Variants in ATG101 observed in about 807,000 individuals in gnomAD.
ATG101 encodes the protein autophagy-related protein 101.
In ATG101, 6 loss-of-function variants were observed where a neutral mutation model predicts 16.7. That is an observed-to-expected ratio of 0.36 (90% CI 0.20 to 0.71). ATG101 has a LOEUF of 0.71. Ranked by LOEUF, ATG101 falls within the 30% of genes least tolerant of loss-of-function variation. The pLI is 0.57. For missense variants in ATG101, 200 were observed against 292.5 expected, an observed-to-expected ratio of 0.68 and a Z score of 2.31; for synonymous variants, 108 against 118.1, an observed-to-expected ratio of 0.91 and a Z score of 0.56.
At chr12:52,069,760 A>C (rs567114173), upstream of ATG101, 7 of 151,918 alleles carry the variant, frequency 4.6e-5, no homozygotes, top group East Asian at 5.8e-4. Context: ...CATGAGGGGG[A>C]TCTTCATCAC....
intron 2 of ATG101, among the ~76,000 whole-genome samples, chr12:52,071,944 T>C (rs1160136674): frequency 6.6e-6 from 1 of 152,140 alleles, no homozygotes; most frequent in Non-Finnish European, 1.5e-5. Context: ...AACTTGAAGC[T>C]CCCTCTCCCT....
upstream of ATG101, among the ~76,000 whole-genome samples, chr12:52,068,944 T>C (rs553071857): frequency 4.8e-5 from 6 of 125,148 alleles, 1 homozygote; most frequent in South Asian, 1.5e-3. Flanking sequence ...TGAGCCGAGA[T>C]AGCGCCACTG....
Position 52,073,683 on chromosome 12 carries a change from G to T in ATG101, c.33G>T (p.Ser11=). MNCRSEVLEV[S]VEGRQVEEAM... ...GTCGCTCGGAGGTGCTGGAGGTGTCGGTGGAGGGGCGGCAGGTGGAGGAGG... is the reference window on the plus strand; with the variant it reads ...GTCGCTCGGAGGTGCTGGAGGTGTCTGTGGAGGGGCGGCAGGTGGAGGAGG... The change falls in exon 3 of 4, where the codon TCG becomes TCT. Residue 11 remains serine (S), a synonymous_variant. Coordinates refer to ENST00000336854, the MANE Select transcript of ATG101 (RefSeq NM_021934.5). 6.2e-7 allele frequency: 1 copy of T among 1,614,064 alleles called. No individual in the cohort carries two copies. Among genetic ancestry groups the T allele is most frequent in the South Asian group, 1.1e-5 (1 of 91,084 alleles).
chr12:52,073,516 G>A, intron 2 of ATG101, 59 bp from the exon 3 acceptor site: 2 of 1,174,458 alleles, frequency 1.7e-6, no homozygotes, highest in Non-Finnish European at 2.4e-6. Context: ...CTAGAAGGAA[G>A]TGAACAGATA....
At chr12:52,067,057 A>T (rs1007839143), upstream of ATG101, among the ~76,000 whole-genome samples, 1 of 152,196 alleles carries the variant, frequency 6.6e-6, no homozygotes. Context: ...ACCTGGGATA[A>T]GAGGCAAGGG....
rs1047750812 is a variant in ATG101 at position 52,077,385 on chromosome 12, C to T, written c.*195C>T. 3 of 641,170 alleles carry T rather than the reference C, an allele frequency of 4.7e-6. No homozygotes were observed. The highest frequency in any genetic ancestry group is 7.9e-6 in the Non-Finnish European group (3 of 377,438). 39.7% of individuals were successfully genotyped at this position (641,170 alleles called of 1,614,324 possible). On this transcript the variant is annotated 3_prime_UTR_variant, in exon 4 of 4. Coordinates refer to ENST00000336854, the MANE Select transcript of ATG101 (RefSeq NM_021934.5). ...TTTAATCTTTGCTGACGGTTCAGTC[C>T]TGCCTCTACTGTCTCTCCATAGCCC...
At chr12:52,072,540 C>T (rs1272945824) in intron 2 of ATG101, among the ~76,000 whole-genome samples, 1 of 152,146 alleles carries the variant, frequency 6.6e-6, no homozygotes, top group Non-Finnish European at 1.5e-5. Context: ...CGTGCCCAGC[C>T]TTTGTGCCTT....
In ATG101 at chr12:52,077,160, C is replaced by T. The variant is rs140684428; in HGVS notation, c.627C>T (p.Arg209=). ...ALGTSVTTTM[R]RLIKDTLAL ...GCACCTCAGTCACCACCACCATGCGCAGGCTCATCAAAGACACCCTTGCCC... is the reference window on the plus strand; with the variant it reads ...GCACCTCAGTCACCACCACCATGCGTAGGCTCATCAAAGACACCCTTGCCC... Residue 209 remains arginine (R), a synonymous_variant, in exon 4 of 4, where the codon CGC becomes CGT. Transcript: ENST00000336854. 6.3e-5 allele frequency: 102 copies of T among 1,613,984 alleles called. No homozygotes were observed. In the East Asian group the frequency reaches 1.2e-3, roughly 19 times the overall value.
upstream of ATG101, among the ~76,000 whole-genome samples, chr12:52,067,691 G>A (rs141941074): frequency 3.1e-3 from 475 of 151,388 alleles, 1 homozygote; most frequent in African/African-American, 0.011. Context: ...CGGTTCAAGC[G>A]ATTCTCCTGA....
intron 2 of ATG101, among the ~76,000 whole-genome samples, chr12:52,071,878 G>A (rs1441738274): frequency 6.6e-6 from 1 of 152,158 alleles, no homozygotes; most frequent in Non-Finnish European, 1.5e-5. Flanking sequence ...TGTTGTGAGA[G>A]CTAGTGAATT....
upstream of ATG101, among the ~76,000 whole-genome samples, chr12:52,068,948 G>A (rs1001704666): frequency 1.6e-5 from 2 of 124,822 alleles, no homozygotes; most frequent in Non-Finnish European, 3.1e-5. Flanking sequence ...CCGAGATAGC[G>A]CCACTGCACT....
chr12:52,068,555 C>G (rs1004077402), upstream of ATG101, among the ~76,000 whole-genome samples: 4 of 152,010 alleles, frequency 2.6e-5, no homozygotes, highest in African/African-American at 4.8e-5. Flanking sequence ...GGGAGTCTCA[C>G]TATGTCGACC....
intron 2 of ATG101, among the ~76,000 whole-genome samples, chr12:52,072,619 ATG>A (rs1272265524): frequency 6.6e-6 from 1 of 151,908 alleles, no homozygotes; most frequent in Non-Finnish European, 1.5e-5. Context: ...GATTTGGTAT[ATG>A]TGTGTGTGTG....
intron 3 of ATG101, among the ~76,000 whole-genome samples, chr12:52,075,204 C>T (rs1939713748): frequency 6.6e-6 from 1 of 152,128 alleles, no homozygotes; most frequent in Non-Finnish European, 1.5e-5. Flanking sequence ...CTCTCATTGT[C>T]CCGCCAAACC....
upstream of ATG101, among the ~76,000 whole-genome samples, chr12:52,066,698 T>C (rs1250358393): frequency 2.6e-5 from 4 of 152,104 alleles, no homozygotes; most frequent in East Asian, 7.7e-4. Flanking sequence ...CAATAGGGCC[T>C]ATGAGTGCTG....
intron 2 of ATG101, among the ~76,000 whole-genome samples, chr12:52,072,336 T>C (rs1007062283): frequency 6.6e-6 from 1 of 152,270 alleles, no homozygotes; most frequent in African/African-American, 2.4e-5. Flanking sequence ...TTTACATGTG[T>C]TACCTTAATT....
At chr12:52,072,913 C>T (rs904999246) in intron 2 of ATG101, among the ~76,000 whole-genome samples, 69 of 152,248 alleles carry the variant, frequency 4.5e-4, no homozygotes, top group African/African-American at 1.5e-3. Flanking sequence ...ACTGGGACTA[C>T]AGGCGCCTGC....
upstream of ATG101, among the ~76,000 whole-genome samples, chr12:52,067,593 C>CT (rs56671149): frequency 8.3e-3 from 1,200 of 144,962 alleles, 13 homozygotes; most frequent in African/African-American, 0.025. Flanking sequence ...CTTTCTTTTT[C>CT]TTTTTTTTTT....
upstream of ATG101, among the ~76,000 whole-genome samples, chr12:52,069,075 T>C (rs1245881576): frequency 6.7e-6 from 1 of 149,348 alleles, no homozygotes; most frequent in Non-Finnish European, 1.5e-5. Context: ...AAGCCCTGTC[T>C]GCTCTGGGCT....
Sources: gnomAD v4.1 joint callset for allele counts (sites outside exome capture counted in the v4.1 genomes callset) on GRCh38, gnomAD v4.1.1 for gene constraint, MANE v1.5 for transcripts, NCBI Gene and HGNC (gene_info 2026-07-23, HGNC 2026-07-21) for gene names.